Variants in DOCK9 observed in about 807,000 individuals in gnomAD.
DOCK9 encodes the protein dedicator of cytokinesis 9.
A neutral mutation model predicts 263.3 loss-of-function variants in DOCK9; 89 were observed. The ratio of observed to expected loss-of-function variants is 0.34; its 90% CI spans 0.28 to 0.40. The LOEUF is 0.40. Among genes scored for constraint, DOCK9 ranks in the 10% least tolerant of loss-of-function variants. The pLI is 1.00. For missense variants in DOCK9, 2,140 were observed against 2,603.4 expected (o/e 0.82, Z 3.87); for synonymous variants, 976 against 973.1 (o/e 1.00, Z -0.06).
rs145185906 is a variant in DOCK9, at chr13:98,939,609, C to T, written c.244-9352G>A. ...TGGGGCGGGGGCAAGGCACAATATGCAGAGCTCAGGAGACGGACGGACCTG... is the reference window on the plus strand; with the variant it reads ...TGGGGCGGGGGCAAGGCACAATATGTAGAGCTCAGGAGACGGACGGACCTG... On this transcript the variant is annotated intron_variant, in intron 2 of 52. Transcript: ENST00000682017. Among the ~76,000 whole-genome samples the T allele has an allele frequency of 2.0e-5, 3 of 152,298 alleles. No individual in the cohort carries two copies. The East Asian group carries it at 5.8e-4, about 29-fold the overall frequency.
rs760040855 is a variant in DOCK9, at chr13:98,902,303, C to A, written c.1365G>T (p.Met455Ile). 3 of 1,613,862 alleles carry A rather than the reference C, an allele frequency of 1.9e-6. No homozygotes were observed. The highest frequency in any genetic ancestry group is 8.5e-7 in the Non-Finnish European group (1 of 1,179,866). The change falls in exon 12 of 53, where the codon ATG (methionine) becomes ATT (isoleucine). Residue 455 changes from methionine (M) to isoleucine (I), a missense_variant. Physicochemically the swap from Met to Ile is conservative, Grantham distance 10 (BLOSUM62 1). Transcript: ENST00000682017. ...VLKGILHEAAMQYPKQGIFSV... is the reference protein window; with the variant it reads ...VLKGILHEAAIQYPKQGIFSV... ...TACTCCCCACCTGCTTCGGATACTG[C>A]ATGGCGGCTTCATGAAGGATGCCCT...
rs923455254 is a variant in DOCK9, at chr13:98,930,056, G to A, written c.333+112C>T. On this transcript the variant is annotated intron_variant, in intron 3 of 52. Coordinates refer to ENST00000682017, the MANE Select transcript of DOCK9 (RefSeq NM_001366683.2). The stretch of plus-strand genomic sequence containing the variant: ...TTATTCTATTTGAACTTCCATCATA[G>A]AAATACAATTACCCTTTTGACACTT... 5 of 950,904 alleles carry A rather than the reference G, an allele frequency of 5.3e-6. No homozygotes were observed. The African/African-American group carries it at 6.6e-5, about 13-fold the overall frequency. 58.9% of individuals were successfully genotyped at this position (950,904 alleles called of 1,614,324 possible). A position where few individuals can be genotyped will look rare whatever the true frequency, so the allele number is the denominator to read the frequency against.
intron 1 of DOCK9, among the ~76,000 whole-genome samples, chr13:98,977,479 C>T (rs1875228028): frequency 6.6e-6 from 1 of 152,164 alleles, no homozygotes; most frequent in African/African-American, 2.4e-5. Flanking sequence ...AAATATGCTT[C>T]CTGGGTTTAC....
At chr13:98,852,292 C>A (rs2093596063) in intron 35 of DOCK9, among the ~76,000 whole-genome samples, 1 of 152,158 alleles carries the variant, frequency 6.6e-6, no homozygotes, top group African/African-American at 2.4e-5. Context: ...CAGGGAAACT[C>A]TTGCTCGTCT....
At chr13:98,942,788 C>T (rs1373399291) in intron 2 of DOCK9, among the ~76,000 whole-genome samples, 5 of 152,142 alleles carry the variant, frequency 3.3e-5, no homozygotes, top group Non-Finnish European at 7.4e-5. Context: ...TAGCCTATTG[C>T]TCCTAGGCCA....
intron 27 of DOCK9, among the ~76,000 whole-genome samples, chr13:98,872,414 T>G (rs2094211410): frequency 1.9e-5 from 2 of 104,386 alleles, no homozygotes; most frequent in African/African-American, 6.3e-5. Context: ...TTTTGTTTTT[T>G]GTTTTTTTTT....
chr13:98,872,214 C>T (rs2094205458), intron 27 of DOCK9, among the ~76,000 whole-genome samples: 2 of 152,208 alleles, frequency 1.3e-5, no homozygotes, highest in Non-Finnish European at 2.9e-5. Context: ...TATTTTACTG[C>T]TTTCCGACGT....
intron 1 of DOCK9, among the ~76,000 whole-genome samples, chr13:98,972,587 C>T (rs893021969): frequency 2.6e-5 from 4 of 152,174 alleles, no homozygotes; most frequent in Non-Finnish European, 5.9e-5. Flanking sequence ...TTCCTTCCAC[C>T]GACCGCTCCA....
chr13:98,811,558 GCA>G (rs2091300855), intron 45 of DOCK9, among the ~76,000 whole-genome samples: 1 of 152,050 alleles, frequency 6.6e-6, no homozygotes, highest in African/African-American at 2.4e-5. Context: ...TTACAGCTGT[GCA>G]CCAACATGCC....
intron 33 of DOCK9, chr13:98,858,579 A>C (rs2093765110): frequency 6.6e-6 from 1 of 152,236 alleles, no homozygotes; most frequent in African/African-American, 2.4e-5. Context: ...TTCAAAGATG[A>C]GGCTTCCCTG....
chr13:98,871,047 C>A (rs963822045), intron 27 of DOCK9, among the ~76,000 whole-genome samples: 13 of 152,086 alleles, frequency 8.5e-5, no homozygotes, highest in Non-Finnish European at 1.6e-4. Flanking sequence ...TTTTGAGACA[C>A]CTGGGGAAAA....
At chr13:98,913,585 T>C (rs2050409728) in intron 9 of DOCK9, among the ~76,000 whole-genome samples, 1 of 152,332 alleles carries the variant, frequency 6.6e-6, no homozygotes, top group Admixed American at 6.5e-5. Flanking sequence ...ATCATTATGA[T>C]AGATTTATTT....
chr13:99,074,548 C>A (rs933715917), intron 1 of DOCK9, among the ~76,000 whole-genome samples: 1 of 152,226 alleles, frequency 6.6e-6, no homozygotes. Flanking sequence ...CCGTGCCCAG[C>A]GGCAACTGTT....
At chr13:98,919,836 G>A (rs1170673933) in intron 7 of DOCK9, among the ~76,000 whole-genome samples, 6 of 152,220 alleles carry the variant, frequency 3.9e-5, no homozygotes, top group African/African-American at 1.4e-4. Flanking sequence ...CCCACAGCAG[G>A]TGTTAGATCT....
intron 1 of DOCK9, among the ~76,000 whole-genome samples, chr13:99,067,865 A>G (rs2041490325): frequency 7.4e-6 from 1 of 136,036 alleles, no homozygotes; most frequent in Non-Finnish European, 1.6e-5. Context: ...TTGTAAGGAC[A>G]GAAGCTTTTT....
chr13:99,060,707 T>A (rs1287900809), intron 1 of DOCK9, among the ~76,000 whole-genome samples: 1 of 152,156 alleles, frequency 6.6e-6, no homozygotes, highest in Non-Finnish European at 1.5e-5. Context: ...CTTTCTCATA[T>A]CATCACAGGG....
At chr13:98,814,818 G>A (rs1362481670) in intron 45 of DOCK9, among the ~76,000 whole-genome samples, 2 of 152,020 alleles carry the variant, frequency 1.3e-5, no homozygotes, top group Non-Finnish European at 2.9e-5. Context: ...GTGCATGCCT[G>A]TAGTCCCAGG....
chr13:98,810,251 A>T lies in DOCK9; in HGVS notation c.5171T>A (p.Leu1724His), dbSNP rs2091181997. 6.2e-6 allele frequency: 10 copies of T among 1,613,872 alleles called. No homozygotes were observed. Among genetic ancestry groups the T allele is most frequent in the Non-Finnish European group, 8.5e-6 (10 of 1,179,884 alleles). ...GAGCTCGTAGCGCTCGGCTTTCCAG[A>T]GTCCATCTGCGCACTGCTCAAGGAG... is the stretch of plus-strand genomic sequence containing the variant. ...MELLEQCADG[L>H]WKAERYELIA... The change falls in exon 46 of 53, where the codon CTC becomes CAC. Residue 1724 changes from leucine to histidine, a missense_variant. By Grantham distance (99) the Leu-to-His change is moderately conservative. Around this residue, in one of 2 missense-constraint regions of DOCK9, gnomAD observed 619 missense variants for 861.8 expected, o/e 0.72. Transcript: ENST00000682017.
At chr13:98,832,480 T>C (rs781617807) in intron 39 of DOCK9, among the ~76,000 whole-genome samples, 10 of 152,198 alleles carry the variant, frequency 6.6e-5, no homozygotes, top group African/African-American at 1.7e-4. Context: ...AGTAGGGTTT[T>C]GACATTCGTG....
Sources: gnomAD v4.1 joint callset for allele counts (sites outside exome capture counted in the v4.1 genomes callset) on GRCh38, gnomAD v4.1.1 for gene constraint, gnomAD v4.1.1 regional missense constraint, MANE v1.5 for transcripts, NCBI Gene and HGNC (gene_info 2026-07-23, HGNC 2026-07-21) for gene names.